Variants in SLF2 observed in about 807,000 individuals in gnomAD.
SLF2 encodes the protein SMC5/6 complex localization factor 2.
SLF2 carries 68 observed loss-of-function variants against 124.3 expected under a neutral mutation model. The ratio of observed to expected loss-of-function variants is 0.55; its 90% CI spans 0.45 to 0.67. The LOEUF (loss-of-function observed/expected upper bound fraction) is 0.67, where lower values mean the gene tolerates loss of function less well. Ranked by LOEUF, SLF2 falls within the 30% of genes least tolerant of loss-of-function variation. SLF2 has a pLI of 0.00. For missense variants in SLF2, 1,246 were observed against 1,373.7 expected (o/e 0.91, Z 1.47); for synonymous variants, 480 against 478.8 (o/e 1.00, Z -0.03).
intron 9 of SLF2, 62 bp from the exon 10 acceptor site, chr10:100,937,340 A>G: frequency 7.6e-7 from 1 of 1,318,236 alleles, no homozygotes; most frequent in Non-Finnish European, 1.1e-6. Flanking sequence ...TGTGCCTAGC[A>G]AATAATGAAT....
At chr10:100,935,315 A>G (rs1849823686) in intron 9 of SLF2, among the ~76,000 whole-genome samples, 1 of 152,138 alleles carries the variant, frequency 6.6e-6, no homozygotes, top group African/African-American at 2.4e-5. Context: ...GAATCGCTTG[A>G]ACCTGGGAGG....
At chr10:100,934,748 G>C (rs1287745514) in intron 9 of SLF2, among the ~76,000 whole-genome samples, 2 of 151,484 alleles carry the variant, frequency 1.3e-5, no homozygotes, top group African/African-American at 4.8e-5. Flanking sequence ...AAGTAGCTGG[G>C]ATTACAGGCA....
rs745898055 is a variant in SLF2, at chr10:100,917,093, C to T, written c.708C>T (p.Phe236=). Residue 236 remains phenylalanine, a synonymous_variant, in exon 3 of 20, where the codon TTC becomes TTT. Coordinates refer to ENST00000238961, the MANE Select transcript of SLF2 (RefSeq NM_018121.4). ...HPEESPLGAK[F]QLSLASYCRE... is the part of the protein sequence containing the mutation. Reference sequence around the variant, plus strand: ...AAGAAAGCCCACTGGGAGCTAAATTCCAGTTGTCACTAGCTTCTTACTGCA... The same window carrying T: ...AAGAAAGCCCACTGGGAGCTAAATTTCAGTTGTCACTAGCTTCTTACTGCA... The T allele has an allele frequency of 1.9e-6, 3 of 1,614,034 alleles. No homozygotes were observed. The highest frequency in any genetic ancestry group is 1.7e-5 in the Admixed American group (1 of 60,002).
At position 100,917,058 on chromosome 10, in the gene SLF2, C is replaced by T. The variant is rs757821791; in HGVS notation, c.673C>T (p.His225Tyr). 1.2e-6 allele frequency: 2 copies of T among 1,614,190 alleles called. No homozygotes were observed. Among genetic ancestry groups the T allele is most frequent in the South Asian group, 1.1e-5 (1 of 91,084 alleles). ...TAGCAGCAGGAGCAGCCTGTCCAGG[C>T]ACCACCCGGAAGAAAGCCCACTGGG... Reference protein sequence around the residue: ...SLSSRSSLSRHHPEESPLGAK... With the variant: ...SLSSRSSLSRYHPEESPLGAK... Residue 225 changes from histidine (H) to tyrosine (Y), a missense_variant, in exon 3 of 20, where the codon CAC becomes TAC. By Grantham distance (83) the His-to-Tyr change is moderately conservative (BLOSUM62 2). Transcript: ENST00000238961.
intron 18 of SLF2, among the ~76,000 whole-genome samples, chr10:100,957,182 C>T (rs922157331): frequency 6.6e-5 from 10 of 152,052 alleles, no homozygotes; most frequent in African/African-American, 2.4e-4. Context: ...AGGATTGAAG[C>T]ATTATTTAAA....
chr10:100,956,298 G>C (rs1850327735), intron 17 of SLF2, among the ~76,000 whole-genome samples, 153 bp from the exon 18 acceptor site: 1 of 152,112 alleles, frequency 6.6e-6, no homozygotes, highest in Admixed American at 6.5e-5. Context: ...AGCTTTCACT[G>C]ATACAACTAC....
intron 8 of SLF2, among the ~76,000 whole-genome samples, chr10:100,930,365 G>A (rs61871482): frequency 0.077 from 11,762 of 152,166 alleles, 605 homozygotes; most frequent in Non-Finnish European, 0.11. Context: ...ACCTAGCTTC[G>A]GGTGCTGTTC....
At chr10:100,947,593 A>G (rs185598011) in intron 14 of SLF2, among the ~76,000 whole-genome samples, 167 bp from the exon 15 acceptor site, 11 of 152,180 alleles carry the variant, frequency 7.2e-5, no homozygotes, top group Non-Finnish European at 1.3e-4. Flanking sequence ...GATATTTTAC[A>G]TGAAAATTTT....
At chr10:100,951,906 C>T (rs1173547245) in intron 17 of SLF2, among the ~76,000 whole-genome samples, 7 of 152,148 alleles carry the variant, frequency 4.6e-5, no homozygotes. Context: ...TTGCTTAATT[C>T]CTTTTATTTC....
intron 18 of SLF2, among the ~76,000 whole-genome samples, chr10:100,958,221 C>G (rs1850368309): frequency 2.0e-5 from 3 of 152,112 alleles, no homozygotes; most frequent in Admixed American, 2.0e-4. Context: ...AACTTAATAT[C>G]TTACATTAAT....
intron 4 of SLF2, among the ~76,000 whole-genome samples, chr10:100,922,406 T>A (rs1238155863): frequency 1.3e-5 from 2 of 152,184 alleles, no homozygotes; most frequent in African/African-American, 2.4e-5. Context: ...TTGACGGGGT[T>A]GTACTTTTCG....
chr10:100,960,996 T>TAC (rs1850417021), intron 19 of SLF2, among the ~76,000 whole-genome samples: 24 of 116,734 alleles, frequency 2.1e-4, no homozygotes, highest in African/African-American at 3.9e-4. Flanking sequence ...TATTCTGTAC[T>TAC]TCTTTTTTTT....
Position 100,916,896 on chromosome 10 carries a change from C to T in SLF2, c.511C>T (p.Pro171Ser), listed in dbSNP as rs752982194. 18 of 1,613,996 alleles carry T rather than the reference C, an allele frequency of 1.1e-5. No individual in the cohort carries two copies. The highest frequency in any genetic ancestry group is 1.5e-5 in the Non-Finnish European group (18 of 1,180,012). ...GTCACTAAAGAAAAAACATCGATCCCCAGAGAGAAGGAAGTCACTATTCAT... is the reference window on the plus strand; with the variant it reads ...GTCACTAAAGAAAAAACATCGATCCTCAGAGAGAAGGAAGTCACTATTCAT... Reference protein sequence around the residue: ...MKSLKKKHRSPERRKSLFIHE... With the variant: ...MKSLKKKHRSSERRKSLFIHE... The change falls in exon 3 of 20, where the codon CCA becomes TCA. Residue 171 changes from proline (P) to serine (S), a missense_variant. Transcript: ENST00000238961.
Position 100,962,072 on chromosome 10 carries a change from C to T in SLF2, c.*160C>T. 1 of 597,724 alleles carries T rather than the reference C, an allele frequency of 1.7e-6. No individual in the cohort carries two copies. The highest frequency in any genetic ancestry group is 2.8e-6 in the Non-Finnish European group (1 of 361,004). The allele number at this position is 597,724 out of a possible 1,614,324, so 37.0% of individuals were successfully genotyped here. A position where few individuals can be genotyped will look rare whatever the true frequency, so the allele number is the denominator to read the frequency against. On this transcript the variant is annotated 3_prime_UTR_variant, in exon 20 of 20. Transcript: ENST00000238961. ...TATGAAGCTGGTAATGAAGAAATTG[C>T]CATTTCTGAAGCAGATATGAAATAT...
At chr10:100,925,188 C>T (rs746355631) in intron 5 of SLF2, among the ~76,000 whole-genome samples, 41 of 152,172 alleles carry the variant, frequency 2.7e-4, no homozygotes, top group Non-Finnish European at 4.7e-4. Flanking sequence ...ATCACACACA[C>T]TTAACAATTT....
intron 19 of SLF2, among the ~76,000 whole-genome samples, chr10:100,961,423 G>A (rs1850426297): frequency 1.3e-5 from 2 of 152,024 alleles, no homozygotes; most frequent in Admixed American, 1.3e-4. Flanking sequence ...CAAAATAATA[G>A]GAACACTGAA....
intron 19 of SLF2, among the ~76,000 whole-genome samples, chr10:100,961,349 A>T (rs1027055398): frequency 6.6e-6 from 1 of 152,180 alleles, no homozygotes; most frequent in East Asian, 1.9e-4. Flanking sequence ...ATTGATGCCA[A>T]TGCTGCTGCT....
chr10:100,929,084 A>G (rs1320364625), intron 6 of SLF2, among the ~76,000 whole-genome samples: 7 of 152,302 alleles, frequency 4.6e-5, no homozygotes, highest in Admixed American at 2.0e-4. Flanking sequence ...ACACTATTCT[A>G]ATGCCACACT....
At chr10:100,949,611 TG>T (rs1850172340) in intron 15 of SLF2, among the ~76,000 whole-genome samples, 2 of 151,942 alleles carry the variant, frequency 1.3e-5, no homozygotes. Flanking sequence ...TTTTTTTTTT[TG>T]AGAGATGTAG....
Sources: gnomAD v4.1 joint callset for allele counts (sites outside exome capture counted in the v4.1 genomes callset) on GRCh38, gnomAD v4.1.1 for gene constraint, MANE v1.5 for transcripts, NCBI Gene and HGNC (gene_info 2026-07-23, HGNC 2026-07-21) for gene names.